SLC24A2: variants seen among roughly 807,000 people sequenced by gnomAD.
The protein encoded by SLC24A2 is solute carrier family 24 member 2.
Under a neutral mutation model 62.0 loss-of-function variants are expected in SLC24A2, and 36 were observed. That is an observed-to-expected ratio of 0.58 (90% confidence interval 0.44 to 0.77). The LOEUF (loss-of-function observed/expected upper bound fraction) is 0.77, where lower values mean the gene tolerates loss of function less well. Ranked by LOEUF, SLC24A2 falls within the 30% of genes least tolerant of loss-of-function variation. The pLI is 0.00. For missense variants in SLC24A2, 846 were observed against 817.9 expected (o/e 1.03, Z -0.42); for synonymous variants, 358 against 294.0 (o/e 1.22, Z -2.23).
At chr9:19,776,133 C>T (rs1057437805) in intron 2 of SLC24A2, among the ~76,000 whole-genome samples, 5 of 152,254 alleles carry the variant, frequency 3.3e-5, no homozygotes, top group Non-Finnish European at 7.4e-5. Context: ...AATATATTTA[C>T]ATGGGGCATG....
the SLC24A2 span, among the ~76,000 whole-genome samples, chr9:19,823,556 G>C: frequency 6.6e-6 from 1 of 152,042 alleles, no homozygotes; most frequent in Non-Finnish European, 1.5e-5. Context: ...TTGAACCAGG[G>C]AGTTGGAGGT....
chr9:19,694,995 G>T (rs868115676), intron 2 of SLC24A2, among the ~76,000 whole-genome samples: 1 of 148,036 alleles, frequency 6.8e-6, no homozygotes, highest in East Asian at 2.1e-4. Flanking sequence ...AGAGAAGGCC[G>T]TTGGGGATTT....
At chr9:19,529,727 T>A (rs1289992525) in intron 8 of SLC24A2, among the ~76,000 whole-genome samples, 1 of 151,590 alleles carries the variant, frequency 6.6e-6, no homozygotes, top group Non-Finnish European at 1.5e-5. Context: ...TAATCATTTT[T>A]TTAAAGTGGA....
At chr9:19,695,249 T>C (rs752768744) in intron 2 of SLC24A2, among the ~76,000 whole-genome samples, 5 of 152,066 alleles carry the variant, frequency 3.3e-5, no homozygotes, top group Non-Finnish European at 5.9e-5. Flanking sequence ...CAAATGTCAG[T>C]AGTGCCACTG....
At chr9:20,113,930 G>A in the SLC24A2 span, among the ~76,000 whole-genome samples, 3 of 152,132 alleles carry the variant, frequency 2.0e-5, no homozygotes, top group African/African-American at 7.2e-5. Context: ...GGCAGCTTGG[G>A]ATAGCAATCC....
the SLC24A2 span, among the ~76,000 whole-genome samples, chr9:20,276,546 A>G: frequency 6.6e-6 from 1 of 152,098 alleles, no homozygotes. Context: ...CTGTCAGTGG[A>G]TCTACCATTC....
chr9:19,548,576 T>A (rs1834693634), intron 8 of SLC24A2, among the ~76,000 whole-genome samples: 1 of 152,220 alleles, frequency 6.6e-6, no homozygotes, highest in African/African-American at 2.4e-5. Context: ...CTTGCCAATC[T>A]GAGTTGAAAG....
chr9:20,219,277 A>G, the SLC24A2 span, among the ~76,000 whole-genome samples: 1 of 152,174 alleles, frequency 6.6e-6, no homozygotes, highest in Non-Finnish European at 1.5e-5. Context: ...AGATGCTGAC[A>G]GTATAACACA....
chr9:19,761,372 T>A (rs2118852487), intron 2 of SLC24A2, among the ~76,000 whole-genome samples: 1 of 152,356 alleles, frequency 6.6e-6, no homozygotes, highest in East Asian at 1.9e-4. Flanking sequence ...TGAGATGGTA[T>A]CTCATTGTGG....
chr9:20,103,869 G>A, the SLC24A2 span, among the ~76,000 whole-genome samples: 1 of 152,172 alleles, frequency 6.6e-6, no homozygotes, highest in Non-Finnish European at 1.5e-5. Flanking sequence ...GACGAGTTGA[G>A]AGAAGAAGGC....
chr9:19,917,047 A>G, the SLC24A2 span, among the ~76,000 whole-genome samples: 1 of 103,056 alleles, frequency 9.7e-6, no homozygotes, highest in Non-Finnish European at 1.9e-5. Flanking sequence ...TGACTTATGG[A>G]AGCTTCAGAT....
chr9:19,715,406 G>A (rs961949806), intron 2 of SLC24A2, among the ~76,000 whole-genome samples: 1 of 152,234 alleles, frequency 6.6e-6, no homozygotes, highest in Admixed American at 6.5e-5. Context: ...CCTCAAGTAG[G>A]ACTCAGGTTT....
the SLC24A2 span, among the ~76,000 whole-genome samples, chr9:20,250,510 C>T: frequency 2.0e-5 from 3 of 152,176 alleles, no homozygotes; most frequent in Non-Finnish European, 4.4e-5. Context: ...CTCTCTGTTG[C>T]TCAGACACTA....
chr9:19,525,553 G>A (rs1276996781), intron 9 of SLC24A2, among the ~76,000 whole-genome samples: 1 of 151,244 alleles, frequency 6.6e-6, no homozygotes, highest in Admixed American at 6.6e-5. Context: ...ACAGGCGTGT[G>A]CTACCATGGC....
chr9:19,684,020 G>C (rs1044663531), intron 2 of SLC24A2, among the ~76,000 whole-genome samples: 8 of 152,128 alleles, frequency 5.3e-5, no homozygotes, highest in African/African-American at 1.9e-4. Flanking sequence ...TTTATTGTAA[G>C]GAATGGGGAA....
At chr9:19,977,491 T>C in the SLC24A2 span, among the ~76,000 whole-genome samples, 1 of 152,198 alleles carries the variant, frequency 6.6e-6, no homozygotes, top group Non-Finnish European at 1.5e-5. Context: ...GCCTTTTCTC[T>C]CTGCAGCAAG....
chr9:20,115,729 A>G, the SLC24A2 span, among the ~76,000 whole-genome samples: 1 of 152,180 alleles, frequency 6.6e-6, no homozygotes, highest in Admixed American at 6.6e-5. Context: ...TCCAAGGCAG[A>G]ATACATTGAG....
rs75858818 is a variant in SLC24A2, at chr9:19,684,684, G to A, written c.931-62385C>T. Reference sequence around the variant, plus strand: ...GAAAGACAAATTGTGAAGAAAGTAGGTATATAAGAAACCTGGAAAACGCAA... The same window carrying A: ...GAAAGACAAATTGTGAAGAAAGTAGATATATAAGAAACCTGGAAAACGCAA... On this transcript the variant is annotated intron_variant, in intron 2 of 10. Coordinates refer to ENST00000341998, the MANE Select transcript of SLC24A2 (RefSeq NM_020344.4). 8.8e-3 allele frequency among the ~76,000 whole-genome samples: 1,325 copies of A among 149,824 alleles called. 26 individuals are homozygous for A. The highest frequency in any genetic ancestry group is 0.031 in the African/African-American group (1,263 of 41,202).
In SLC24A2 at chr9:19,609,912, T is replaced by A. The variant is rs191617463; in HGVS notation, c.1078+9672A>T. 1.8e-4 allele frequency among the ~76,000 whole-genome samples: 28 copies of A among 152,212 alleles called. No homozygotes were observed. In the East Asian group the frequency reaches 3.5e-3, roughly 19 times the overall value. On this transcript the variant is annotated intron_variant, in intron 4 of 10. Transcript: ENST00000341998. Reference sequence around the variant, plus strand: ...AGTTCACCATAGAGTTCACGCTCCTTTGAGAACTGAATGCCTCCTCTGATC... The same window carrying A: ...AGTTCACCATAGAGTTCACGCTCCTATGAGAACTGAATGCCTCCTCTGATC...
Sources: allele counts gnomAD v4.1 joint callset (sites outside exome capture counted in the v4.1 genomes callset), GRCh38; gene constraint gnomAD v4.1.1; transcripts MANE v1.5; gene names NCBI Gene and HGNC (gene_info 2026-07-23, HGNC 2026-07-21).